The following SGK3 variants were observed in gnomAD, a reference collection of about 807,000 sequenced individuals.
SGK3 encodes the protein serine/threonine-protein kinase Sgk3.
In SGK3, 47 loss-of-function variants were observed where a neutral mutation model predicts 68.5. The observed-to-expected ratio is 0.69, with a 90% CI of 0.54 to 0.87. The LOEUF (loss-of-function observed/expected upper bound fraction) is 0.87, where lower values mean the gene tolerates loss of function less well. Among genes scored for constraint, SGK3 ranks in the 40% least tolerant of loss-of-function variants. The pLI, the probability that SGK3 is intolerant of heterozygous loss-of-function variation, is 0.00. For missense variants in SGK3, 479 were observed against 575.5 expected, an observed-to-expected ratio of 0.83 and a Z score of 1.72; for synonymous variants, 181 against 189.1, an observed-to-expected ratio of 0.96 and a Z score of 0.35.
chr8:66,714,058 G>T (rs550130365), intron 1 of SGK3, among the ~76,000 whole-genome samples: 67 of 152,338 alleles, frequency 4.4e-4, no homozygotes, highest in African/African-American at 1.5e-3. Flanking sequence ...GGAGACACCA[G>T]AACTTCCCCT....
chr8:66,854,427 G>C (rs376772302), intron 16 of SGK3, among the ~76,000 whole-genome samples: 16 of 152,262 alleles, frequency 1.1e-4, no homozygotes, highest in South Asian at 6.2e-4. Flanking sequence ...TGCCCTGAAG[G>C]GGGTAGATGT....
At chr8:66,719,389 C>T (rs889516615) in intron 1 of SGK3, among the ~76,000 whole-genome samples, 4 of 152,030 alleles carry the variant, frequency 2.6e-5, no homozygotes, top group Admixed American at 1.3e-4. Context: ...TGCAGTGGCA[C>T]GACTGTGACT....
intron 1 of SGK3, among the ~76,000 whole-genome samples, chr8:66,720,000 C>T (rs1030362905): frequency 1.3e-5 from 2 of 152,188 alleles, no homozygotes; most frequent in Admixed American, 1.3e-4. Context: ...CGTAGCCAGC[C>T]AACGTCACAG....
At chr8:66,714,894 A>C (rs961354218) in intron 1 of SGK3, among the ~76,000 whole-genome samples, 1 of 152,214 alleles carries the variant, frequency 6.6e-6, no homozygotes, top group Non-Finnish European at 1.5e-5. Context: ...AGGTGTGTGG[A>C]CAGTGCCTGG....
At chr8:66,813,549 A>G (rs181913660) in intron 4 of SGK3, among the ~76,000 whole-genome samples, 176 of 151,864 alleles carry the variant, frequency 1.2e-3, no homozygotes, top group African/African-American at 4.1e-3. Context: ...TGCTTCTCCA[A>G]TTTTTGTAAT....
chr8:66,851,232 C>G (rs1005685096), intron 16 of SGK3, among the ~76,000 whole-genome samples: 2 of 152,138 alleles, frequency 1.3e-5, no homozygotes, highest in African/African-American at 4.8e-5. Context: ...AATCCCAGCA[C>G]TTTAGGAGGC....
intron 1 of SGK3, among the ~76,000 whole-genome samples, chr8:66,742,722 A>G (rs1261161351): frequency 1.3e-5 from 2 of 152,160 alleles, no homozygotes; most frequent in African/African-American, 4.8e-5. Flanking sequence ...GTCAGTCTTT[A>G]TGAGATGATG....
chr8:66,760,330 CTTT>C (rs201559163), intron 1 of SGK3, among the ~76,000 whole-genome samples: 1 of 115,648 alleles, frequency 8.6e-6, no homozygotes, highest in Non-Finnish European at 1.8e-5. Context: ...TTTCTTTTTT[CTTT>C]TTTTTTTTTT....
chr8:66,854,400 A>G (rs1810414960), intron 16 of SGK3, among the ~76,000 whole-genome samples: 1 of 152,146 alleles, frequency 6.6e-6, no homozygotes, highest in Admixed American at 6.5e-5. Flanking sequence ...CCCTAAATTA[A>G]AAGTATGGCA....
chr8:66,760,330 C>CTTTTTTTTTTT (rs201559163), intron 1 of SGK3, among the ~76,000 whole-genome samples: 3 of 115,648 alleles, frequency 2.6e-5, no homozygotes, highest in Non-Finnish European at 3.7e-5. Context: ...TTTCTTTTTT[C>CTTTTTTTTTTT]TTTTTTTTTT....
At chr8:66,713,684 C>A (rs1804555648) in intron 1 of SGK3, among the ~76,000 whole-genome samples, 1 of 152,206 alleles carries the variant, frequency 6.6e-6, no homozygotes, top group Non-Finnish European at 1.5e-5. Flanking sequence ...CAAACACTTA[C>A]ATAGCCCTTA....
chr8:66,858,998 G>C (rs563801198), intron 16 of SGK3, among the ~76,000 whole-genome samples: 137 of 152,216 alleles, frequency 9.0e-4, no homozygotes, highest in Non-Finnish European at 1.1e-3. Flanking sequence ...ATCTAACCTT[G>C]CCAGGAATAA....
At chr8:66,725,082 G>A (rs1305690023) in intron 1 of SGK3, among the ~76,000 whole-genome samples, 1 of 151,990 alleles carries the variant, frequency 6.6e-6, no homozygotes, top group African/African-American at 2.4e-5. Context: ...AAAATTAGCT[G>A]GGTGTGGTGG....
chr8:66,807,522 A>G lies in SGK3; in HGVS notation c.253+3075A>G, dbSNP rs148533628. 4.3e-3 allele frequency among the ~76,000 whole-genome samples: 652 copies of G among 152,360 alleles called. 6 individuals carry two copies. The highest frequency in any genetic ancestry group is 0.015 in the African/African-American group (623 of 41,578). Reference sequence around the variant, plus strand: ...CTGTTTGTCTATCCTGCGTATATTTAATATGACTTGGCAACAGTGAAAAGG... The same window carrying G: ...CTGTTTGTCTATCCTGCGTATATTTGATATGACTTGGCAACAGTGAAAAGG... On this transcript the variant is annotated intron_variant, in intron 4 of 16. Transcript: ENST00000521198.
rs1244850448 is a variant in SGK3 at position 66,857,788 on chromosome 8, A to AGTGT, written c.1321-1616_1321-1613dup. Among the ~76,000 whole-genome samples the AGTGT allele has an allele frequency of 7.0e-3, 809 of 115,462 alleles. 7 individuals carry two copies. Among genetic ancestry groups the AGTGT allele is most frequent in the Admixed American group, 0.014 (158 of 11,186 alleles). 75.7% of individuals were successfully genotyped at this position (115,462 alleles called of 152,430 possible). On this transcript the variant is annotated intron_variant, in intron 16 of 16. Coordinates refer to ENST00000521198, the MANE Select transcript of SGK3 (RefSeq NM_001033578.3). ...ACAGGATGAGACCCTGTCTCAAAAA[A>AGTGT]GTGTGTGTGTATGTGTGTGTGTGTG...
intron 1 of SGK3, among the ~76,000 whole-genome samples, chr8:66,736,855 G>A (rs1242172575): frequency 6.6e-6 from 1 of 151,998 alleles, no homozygotes; most frequent in Non-Finnish European, 1.5e-5. Flanking sequence ...CCGACCTCAG[G>A]TGATCCACCC....
At chr8:66,793,463 TAAC>T (rs1807548599) in intron 1 of SGK3, among the ~76,000 whole-genome samples, 150 bp from the exon 2 acceptor site, 2 of 152,180 alleles carry the variant, frequency 1.3e-5, no homozygotes, top group African/African-American at 4.8e-5. Context: ...AGTAGGAACA[TAAC>T]AAACTAAATC....
intron 1 of SGK3, among the ~76,000 whole-genome samples, chr8:66,720,878 G>A (rs1489167948): frequency 6.6e-6 from 1 of 152,012 alleles, no homozygotes; most frequent in African/African-American, 2.4e-5. Flanking sequence ...CTGCAGAGGC[G>A]GAGGTTTCAG....
chr8:66,767,583 C>T, intron 1 of SGK3: 2 of 1,411,396 alleles, frequency 1.4e-6, no homozygotes, highest in Non-Finnish European at 2.0e-6. Flanking sequence ...GCACTTCACT[C>T]AAGGGGAGAT....
Sources: gnomAD v4.1 joint callset for allele counts (sites outside exome capture counted in the v4.1 genomes callset) on GRCh38, gnomAD v4.1.1 for gene constraint, MANE v1.5 for transcripts, NCBI Gene and HGNC (gene_info 2026-07-23, HGNC 2026-07-21) for gene names.